Variants in NCOA1 observed in about 807,000 individuals in gnomAD.
NCOA1 encodes Hin-2 protein.
NCOA1 carries 35 observed loss-of-function variants against 150.9 expected under a neutral mutation model. The observed-to-expected ratio is 0.23, with a 90% CI of 0.18 to 0.31. The LOEUF (loss-of-function observed/expected upper bound fraction) is 0.31. NCOA1 is among the 10% of genes least tolerant of loss of function. The pLI is 1.00. For synonymous variants in NCOA1, 590 were observed against 630.0 expected (o/e 0.94, Z 0.95); for missense variants, 1,491 against 1,749.3 (o/e 0.85, Z 2.63).
chr2:24,634,728 C>T (rs972152728), intron 3 of NCOA1, among the ~76,000 whole-genome samples: 1 of 130,962 alleles, frequency 7.6e-6, no homozygotes, highest in African/African-American at 2.8e-5. Flanking sequence ...CCCCCGCCCC[C>T]GGAGACAAGA....
At chr2:24,516,959 T>TATATACGC (rs1664209616) in intron 1 of NCOA1, among the ~76,000 whole-genome samples, 1 of 30,160 alleles carries the variant, frequency 3.3e-5, no homozygotes. Context: ...TATACAAGTA[T>TATATACGC]ATATACGTAT....
chr2:24,494,642 C>A (rs1219936401), intron 1 of NCOA1, among the ~76,000 whole-genome samples: 1 of 152,088 alleles, frequency 6.6e-6, no homozygotes, highest in Non-Finnish European at 1.5e-5. Flanking sequence ...TGGCAGAGGT[C>A]CAAAAATGTT....
At chr2:24,608,354 C>T (rs1294736251) in intron 3 of NCOA1, among the ~76,000 whole-genome samples, 1 of 150,458 alleles carries the variant, frequency 6.6e-6, no homozygotes, top group Non-Finnish European at 1.5e-5. Flanking sequence ...GATCTCTGCT[C>T]ACTGCAATCT....
At chr2:24,629,308 AT>A (rs1669569085) in intron 3 of NCOA1, among the ~76,000 whole-genome samples, 1 of 152,152 alleles carries the variant, frequency 6.6e-6, no homozygotes, top group African/African-American at 2.4e-5. Flanking sequence ...TAACATAAAT[AT>A]AATGGTGCGT....
At chr2:24,596,574 AT>A (rs1275732771) in intron 3 of NCOA1, among the ~76,000 whole-genome samples, 1 of 152,118 alleles carries the variant, frequency 6.6e-6, no homozygotes, top group African/African-American at 2.4e-5. Context: ...TAAGTTAGTG[AT>A]TTTTTAAATG....
intron 4 of NCOA1, among the ~76,000 whole-genome samples, chr2:24,650,834 C>T (rs543446878): frequency 6.6e-6 from 1 of 152,092 alleles, no homozygotes; most frequent in East Asian, 1.9e-4. Context: ...TTTGGGGGAC[C>T]AGGATTGTTT....
At chr2:24,612,099 G>A (rs1668656333) in intron 3 of NCOA1, among the ~76,000 whole-genome samples, 1 of 152,142 alleles carries the variant, frequency 6.6e-6, no homozygotes, top group East Asian at 1.9e-4. Context: ...TCTCTTTTAA[G>A]GCTGGTCTAG....
intron 3 of NCOA1, among the ~76,000 whole-genome samples, chr2:24,606,135 T>A (rs1278464697): frequency 6.6e-6 from 1 of 152,180 alleles, no homozygotes; most frequent in Non-Finnish European, 1.5e-5. Context: ...GTTTTACCAG[T>A]AATGATTGAG....
intron 3 of NCOA1, among the ~76,000 whole-genome samples, chr2:24,602,752 A>T (rs563995743): frequency 6.6e-6 from 1 of 152,304 alleles, no homozygotes; most frequent in South Asian, 2.1e-4. Flanking sequence ...ATAAAAGTAG[A>T]TATAAAAACA....
rs1001648957 is a variant in NCOA1 at position 24,763,336 on chromosome 2, A to G, written c.4155+560A>G. On this transcript the variant is annotated intron_variant, in intron 22 of 22. Coordinates refer to ENST00000348332, the MANE Select transcript of NCOA1 (RefSeq NM_003743.5). Reference sequence around the variant, plus strand: ...GGGCGGATCACAAGGTCAGGAGATTAAGACCATCCTGGCTAACATGGTGAA... The same window carrying G: ...GGGCGGATCACAAGGTCAGGAGATTGAGACCATCCTGGCTAACATGGTGAA... Among the ~76,000 whole-genome samples, 7 of 151,932 alleles carry G rather than the reference A, an allele frequency of 4.6e-5. 1 individual carries two copies. The highest frequency in any genetic ancestry group is 4.2e-4 in the South Asian group (2 of 4,810).
At chr2:24,634,708 A>ACCCC (rs530645429) in intron 3 of NCOA1, among the ~76,000 whole-genome samples, 598 of 39,742 alleles carry the variant, frequency 0.015, 7 homozygotes, top group Middle Eastern at 0.019. Flanking sequence ...TAGGGGAGGA[A>ACCCC]CCCCCCCCCC....
intron 7 of NCOA1, among the ~76,000 whole-genome samples, chr2:24,675,545 G>A (rs1344323871): frequency 1.3e-5 from 2 of 152,148 alleles, no homozygotes; most frequent in Non-Finnish European, 2.9e-5. Flanking sequence ...TTTCCCAGAG[G>A]AAATCCGAGT....
chr2:24,575,381 G>A (rs765153631), intron 2 of NCOA1, among the ~76,000 whole-genome samples: 9 of 152,156 alleles, frequency 5.9e-5, no homozygotes, highest in Middle Eastern at 3.4e-3. Context: ...TTTCTTGAAT[G>A]TATTGAGAAT....
Position 24,545,204 on chromosome 2 carries a change from A to T in NCOA1, c.-395-19091A>T, listed in dbSNP as rs151130137. Among the ~76,000 whole-genome samples the T allele has an allele frequency of 2.8e-4, 42 of 152,236 alleles. 4 individuals are homozygous for T. The East Asian group carries it at 8.1e-3, about 29-fold the overall frequency. On this transcript the variant is annotated intron_variant, in intron 1 of 22. Transcript: ENST00000348332. The stretch of plus-strand genomic sequence containing the variant: ...ACTAAGGCTCCCTGGAAAATGGCTG[A>T]TTCTTGGGCCGGGGCAGGGAATTTG...
rs949514009 is a variant in NCOA1 at position 24,691,583 on chromosome 2, A to C, written c.635A>C (p.Gln212Pro). The C allele has an allele frequency of 6.2e-7, 1 of 1,614,226 alleles. No individual in the cohort carries two copies. Among genetic ancestry groups the C allele is most frequent in the African/African-American group, 1.3e-5 (1 of 75,068 alleles). ...CCAGATGAGCCAGGGACCGAGAACC[A>C]AGAAGCTTGCCAGCGTTATGAAGTA... is the stretch of plus-strand genomic sequence containing the variant. ...HPPDEPGTEN[Q>P]EACQRYEVMQ... Residue 212 changes from glutamine (Q) to proline (P), a missense_variant, in exon 9 of 23, where the codon CAA becomes CCA. Gln to Pro is a moderately conservative substitution (Grantham distance 76). Coordinates refer to ENST00000348332, the MANE Select transcript of NCOA1 (RefSeq NM_003743.5).
At chr2:24,509,366 G>A (rs571628919) in intron 1 of NCOA1, among the ~76,000 whole-genome samples, 1 of 152,106 alleles carries the variant, frequency 6.6e-6, no homozygotes, top group Non-Finnish European at 1.5e-5. Context: ...TGTAAAAGTG[G>A]GTATACAAAT....
intron 8 of NCOA1, among the ~76,000 whole-genome samples, chr2:24,688,394 C>T (rs966420930): frequency 6.6e-6 from 1 of 152,184 alleles, no homozygotes; most frequent in African/African-American, 2.4e-5. Context: ...TCCCGTTTGC[C>T]CACAGCCTTG....
At chr2:24,701,760 C>T (rs1673173672) in intron 11 of NCOA1, among the ~76,000 whole-genome samples, 1 of 152,200 alleles carries the variant, frequency 6.6e-6, no homozygotes, top group African/African-American at 2.4e-5. Context: ...CCAGTAATCC[C>T]AGTATTTTGA....
intron 4 of NCOA1, among the ~76,000 whole-genome samples, chr2:24,654,559 C>G (rs1360251944): frequency 6.6e-6 from 1 of 152,136 alleles, no homozygotes; most frequent in African/African-American, 2.4e-5. Flanking sequence ...CATTCAGATA[C>G]CGGATTACTA....
Sources: allele counts gnomAD v4.1 joint callset (sites outside exome capture counted in the v4.1 genomes callset), GRCh38; gene constraint gnomAD v4.1.1; transcripts MANE v1.5; gene names NCBI Gene and HGNC (gene_info 2026-07-23, HGNC 2026-07-21).